Variants in ITSN1 observed in about 807,000 individuals in gnomAD.
The protein encoded by ITSN1 is intersectin 1, also known as intersectin-1.
Under a neutral mutation model 239.8 loss-of-function variants are expected in ITSN1, and 58 were observed. The ratio of observed to expected loss-of-function variants is 0.24; its 90% CI spans 0.20 to 0.30. The LOEUF (loss-of-function observed/expected upper bound fraction) is 0.30, where lower values mean the gene tolerates loss of function less well. ITSN1 is among the 10% of genes least tolerant of loss of function. The probability of loss-of-function intolerance (pLI) is 1.00; values close to 1 mark genes in which losing one functional copy is unlikely to be tolerated. For synonymous variants in ITSN1, 780 were observed against 770.8 expected, an observed-to-expected ratio of 1.01 and a Z score of -0.20; for missense variants, 1,558 against 2,103.3, an observed-to-expected ratio of 0.74 and a Z score of 5.07.
Position 33,811,089 on chromosome 21 carries a change from C to G in ITSN1, c.2434C>G (p.Pro812Ala), listed in dbSNP as rs780063779. 1.4e-5 allele frequency: 22 copies of G among 1,614,070 alleles called. 1 individual carries two copies. The East Asian group carries it at 4.5e-4, about 33-fold the overall frequency. ...EKIPENEVPA[P>A]VKPVTDSTSA... ...AATCCCAGAAAATGAGGTTCCCGCT[C>G]CAGTGAAACCAGTGACTGATTCAAC... Residue 812 changes from proline to alanine, a missense_variant, in exon 21 of 40, where the codon CCA becomes GCA. By Grantham distance (27) the Pro-to-Ala change is conservative. Transcript: ENST00000381318.
chr21:33,735,152 T>C lies in ITSN1; in HGVS notation c.294T>C (p.Leu98=). ...AAGGATATCAGCTACCCTCTGCACT[T>C]CCCCCTGTCATGAAACAGCAACCAG... is the stretch of plus-strand genomic sequence containing the variant. The part of the protein sequence containing the change: ...KLQGYQLPSA[L]PPVMKQQPVA... Residue 98 remains leucine (L), a synonymous_variant, in exon 5 of 40, where the codon CTT becomes CTC. Transcript: ENST00000381318. The C allele has an allele frequency of 6.2e-7, 1 of 1,613,898 alleles. No homozygotes were observed. Among genetic ancestry groups the C allele is most frequent in the Non-Finnish European group, 8.5e-7 (1 of 1,179,912 alleles).
intron 1 of ITSN1, among the ~76,000 whole-genome samples, chr21:33,680,656 T>C (rs1049778175): frequency 6.7e-6 from 1 of 148,762 alleles, no homozygotes; most frequent in Non-Finnish European, 1.5e-5. Context: ...TGCATTTTTC[T>C]TTAAGGAAGG....
rs767308932 is a variant in ITSN1 at position 33,690,356 on chromosome 21, T to C, written c.-32-28441T>C. On this transcript the variant is annotated intron_variant, in intron 1 of 39. Transcript: ENST00000381318. Reference sequence around the variant, plus strand: ...TGGCTCACCCTGTAATCCCAGCACTTTGGGAGGCTGAGGCAGGAGGATCAC... The same window carrying C: ...TGGCTCACCCTGTAATCCCAGCACTCTGGGAGGCTGAGGCAGGAGGATCAC... 3.3e-5 allele frequency among the ~76,000 whole-genome samples: 5 copies of C among 151,580 alleles called. No individual in the cohort carries two copies. The South Asian group carries it at 1.0e-3, about 32-fold the overall frequency.
At chr21:33,817,681 C>CTT (rs60543338) in intron 22 of ITSN1, 113,718 of 1,171,180 alleles carry the variant, frequency 0.097, 7,399 homozygotes, top group East Asian at 0.29. Flanking sequence ...TTTTTTTCAT[C>CTT]TGTAATCTCA....
intron 27 of ITSN1, among the ~76,000 whole-genome samples, chr21:33,830,815 C>G (rs1276621063): frequency 7.0e-6 from 1 of 143,518 alleles, no homozygotes; most frequent in African/African-American, 2.6e-5. Context: ...TTAGGAGATA[C>G]GTGTTGAAGT....
chr21:33,879,814 G>C (rs1482020709), intron 34 of ITSN1, among the ~76,000 whole-genome samples: 1 of 152,144 alleles, frequency 6.6e-6, no homozygotes, highest in East Asian at 1.9e-4. Flanking sequence ...CGAGTAGCTG[G>C]AACTATAGGG....
intron 1 of ITSN1, among the ~76,000 whole-genome samples, chr21:33,649,273 C>T (rs1445110349): frequency 6.6e-6 from 1 of 152,118 alleles, no homozygotes; most frequent in Non-Finnish European, 1.5e-5. Context: ...GTGAAGGCCT[C>T]AGTGTAGAGA....
At position 33,818,487 on chromosome 21, in the gene ITSN1, A is replaced by G. The variant is rs952881736; in HGVS notation, c.2933+15A>G. 3.1e-6 allele frequency: 5 copies of G among 1,590,914 alleles called. No homozygotes were observed. Among genetic ancestry groups the G allele is most frequent in the Non-Finnish European group, 3.5e-6 (4 of 1,159,060 alleles). Reference sequence around the variant, plus strand: ...AAGTCTACAAGGTATTTTTGTATTTATCTGCTTGTATTTGATGAAAACAAT... The same window carrying G: ...AAGTCTACAAGGTATTTTTGTATTTGTCTGCTTGTATTTGATGAAAACAAT... On this transcript the variant is annotated intron_variant, in intron 23 of 39. Coordinates refer to ENST00000381318, the MANE Select transcript of ITSN1 (RefSeq NM_003024.3).
chr21:33,800,959 G>A (rs57358966), intron 19 of ITSN1, among the ~76,000 whole-genome samples: 234 of 136,800 alleles, frequency 1.7e-3, no homozygotes, highest in African/African-American at 5.3e-3. Context: ...TCTGCCTCCC[G>A]GGCTCAAGCA....
chr21:33,767,610 T>A, intron 10 of ITSN1, 103 bp from the exon 11 acceptor site: 2 of 538,476 alleles, frequency 3.7e-6, no homozygotes, highest in East Asian at 6.1e-5. Flanking sequence ...TGAAATTTGC[T>A]CCATGGCATG....
At chr21:33,727,635 C>T (rs1202894551) in intron 4 of ITSN1, among the ~76,000 whole-genome samples, 5 of 151,458 alleles carry the variant, frequency 3.3e-5, no homozygotes, top group African/African-American at 4.9e-5. Flanking sequence ...AGAATAAGCA[C>T]CCTGGACTCT....
intron 22 of ITSN1, among the ~76,000 whole-genome samples, chr21:33,815,327 G>A (rs1401664042): frequency 6.6e-6 from 1 of 152,092 alleles, no homozygotes; most frequent in African/African-American, 2.4e-5. Context: ...ACTTTCCTTT[G>A]CATCTGTCCT....
At chr21:33,758,779 T>G (rs548658291) in intron 8 of ITSN1, among the ~76,000 whole-genome samples, 1 of 152,342 alleles carries the variant, frequency 6.6e-6, no homozygotes, top group South Asian at 2.1e-4. Context: ...CATACTTCCC[T>G]GCCCAAACAT....
At chr21:33,654,713 C>G (rs911045693) in intron 1 of ITSN1, among the ~76,000 whole-genome samples, 1 of 152,004 alleles carries the variant, frequency 6.6e-6, no homozygotes, top group Non-Finnish European at 1.5e-5. Flanking sequence ...GCTCAAGGAC[C>G]CTAAGTAAAG....
At chr21:33,798,770 T>C (rs1051820719) in intron 18 of ITSN1, among the ~76,000 whole-genome samples, 5 of 152,206 alleles carry the variant, frequency 3.3e-5, no homozygotes, top group African/African-American at 1.2e-4. Context: ...TGGAGTTGCA[T>C]TAGGCACCTA....
Position 33,882,327 on chromosome 21 carries a change from A to C in ITSN1, c.4426A>C (p.Lys1476Gln). 1.2e-6 allele frequency: 2 copies of C among 1,614,226 alleles called. No individual in the cohort carries two copies. Among genetic ancestry groups the C allele is most frequent in the Non-Finnish European group, 1.7e-6 (2 of 1,180,040 alleles). ...GAAGCTCTACAAGGCCAAGAGCAAC[A>C]AGGAGCTGTATGGCTTCCTTTTCAA... Reference protein sequence around the residue: ...SGKLYKAKSNKELYGFLFNDF... With the variant: ...SGKLYKAKSNQELYGFLFNDF... The change falls in exon 35 of 40, where the codon AAG (lysine) becomes CAG (glutamine). Residue 1476 changes from lysine to glutamine, a missense_variant. Lys to Gln is a moderately conservative substitution (Grantham distance 53, BLOSUM62 1). Transcript: ENST00000381318. The surrounding 1 kb of genome is among the most constrained non-coding windows in gnomAD (Gnocchi z 4.5).
In ITSN1 at chr21:33,885,508, C is replaced by A; in HGVS notation, c.4829C>A (p.Pro1610His). Residue 1610 changes from proline to histidine, a missense_variant, in exon 38 of 40, where the codon CCC (proline) becomes CAC (histidine). This residue lies in a region of ITSN1 where 576 missense variants were observed against 893.3 expected (regional missense o/e 0.64). Coordinates refer to ENST00000381318, the MANE Select transcript of ITSN1 (RefSeq NM_003024.3). Reference sequence around the variant, plus strand: ...GTGGTTGAAGGCATCGAGTTGAAACCCTGTCGGTCACATGGTAAGGCTGTG... The same window carrying A: ...GTGGTTGAAGGCATCGAGTTGAAACACTGTCGGTCACATGGTAAGGCTGTG... ...VNVVEGIELK[P>H]CRSHGKSNPY... 2 of 1,614,032 alleles carry A rather than the reference C, an allele frequency of 1.2e-6. No individual in the cohort carries two copies. The highest frequency in any genetic ancestry group is 1.7e-6 in the Non-Finnish European group (2 of 1,179,982).
chr21:33,659,463 T>C (rs190120207), intron 1 of ITSN1, among the ~76,000 whole-genome samples: 3 of 152,300 alleles, frequency 2.0e-5, no homozygotes, highest in East Asian at 3.9e-4. Flanking sequence ...GGAAGTCTTA[T>C]GGGACCAAGC....
chr21:33,834,385 A>T lies in ITSN1; in HGVS notation c.3430A>T (p.Thr1144Ser). ...TCTAAGCCCTGGGACGAGCAAAATCACTCCAACAGAGCCACCTAAGTCAAC... is the reference window on the plus strand; with the variant it reads ...TCTAAGCCCTGGGACGAGCAAAATCTCTCCAACAGAGCCACCTAAGTCAAC... ...KLLSPGTSKI[T>S]PTEPPKSTAL... is the part of the protein sequence containing the mutation. Residue 1144 changes from threonine (T) to serine (S), a missense_variant, in exon 28 of 40, where the codon ACT (threonine) becomes TCT (serine). Physicochemically the swap from Thr to Ser is moderately conservative, Grantham distance 58 (BLOSUM62 1). Transcript: ENST00000381318. 1 of 1,613,660 alleles carries T rather than the reference A, an allele frequency of 6.2e-7. No individual in the cohort carries two copies. Among genetic ancestry groups the T allele is most frequent in the Non-Finnish European group, 8.5e-7 (1 of 1,179,718 alleles).
Sources: gnomAD v4.1 joint callset for allele counts (sites outside exome capture counted in the v4.1 genomes callset) on GRCh38, gnomAD v4.1.1 for gene constraint, gnomAD v4.1.1 regional missense constraint, Gnocchi (gnomAD v3.1) non-coding constraint, MANE v1.5 for transcripts, NCBI Gene and HGNC (gene_info 2026-07-23, HGNC 2026-07-21) for gene names.